The following RAP1GDS1 variants were observed in gnomAD, a reference collection of about 807,000 sequenced individuals.
RAP1GDS1 encodes the protein RAP1, GTP-GDP dissociation stimulator 1.
A neutral mutation model predicts 71.1 loss-of-function variants in RAP1GDS1; 35 were observed. That is an observed-to-expected ratio of 0.49 (90% CI 0.38 to 0.65). The LOEUF is 0.65. Among genes scored for constraint, RAP1GDS1 ranks in the 30% least tolerant of loss-of-function variants. The probability of loss-of-function intolerance (pLI) is 0.00; values close to 1 mark genes in which losing one functional copy is unlikely to be tolerated. For missense variants in RAP1GDS1, 663 were observed against 706.1 expected (o/e 0.94, Z 0.69); for synonymous variants, 229 against 243.1 (o/e 0.94, Z 0.54).
chr4:98,307,753 A>C (rs940579278), intron 2 of RAP1GDS1, among the ~76,000 whole-genome samples: 10 of 152,088 alleles, frequency 6.6e-5, no homozygotes, highest in African/African-American at 2.2e-4. Context: ...CATTAAAATG[A>C]ATTTTTAGCT....
chr4:98,391,704 A>G (rs1199116188), intron 5 of RAP1GDS1, among the ~76,000 whole-genome samples: 2 of 152,158 alleles, frequency 1.3e-5, no homozygotes, highest in Non-Finnish European at 2.9e-5. Flanking sequence ...TAATGATTTG[A>G]TATAGTCTTC....
At chr4:98,292,130 C>CTT (rs139869872) in intron 1 of RAP1GDS1, among the ~76,000 whole-genome samples, 3 of 139,726 alleles carry the variant, frequency 2.1e-5, no homozygotes, top group African/African-American at 5.3e-5. Flanking sequence ...TTTTTTTTTC[C>CTT]TTTTTTTTTT....
intron 13 of RAP1GDS1, among the ~76,000 whole-genome samples, chr4:98,435,062 C>T (rs1750957670): frequency 6.6e-6 from 1 of 152,212 alleles, no homozygotes; most frequent in Non-Finnish European, 1.5e-5. Flanking sequence ...GTCACGTGGC[C>T]TGTGGTTAAG....
intron 6 of RAP1GDS1, among the ~76,000 whole-genome samples, chr4:98,399,421 G>A (rs1745033366): frequency 6.6e-6 from 1 of 152,100 alleles, no homozygotes; most frequent in Non-Finnish European, 1.5e-5. Context: ...AGCCTCCCAA[G>A]TAGCTGGGAC....
At chr4:98,376,060 A>T (rs1247128529) in intron 4 of RAP1GDS1, among the ~76,000 whole-genome samples, 2 of 152,136 alleles carry the variant, frequency 1.3e-5, no homozygotes, top group East Asian at 3.8e-4. Context: ...TTAGATTTAA[A>T]GCCCTGCTCT....
intron 1 of RAP1GDS1, among the ~76,000 whole-genome samples, chr4:98,275,934 T>G (rs774678923): frequency 6.6e-6 from 1 of 152,194 alleles, no homozygotes; most frequent in Non-Finnish European, 1.5e-5. Flanking sequence ...TTCTTTCCCC[T>G]GGCATCCCTC....
chr4:98,320,099 G>A (rs1156698022), intron 2 of RAP1GDS1, among the ~76,000 whole-genome samples: 1 of 152,188 alleles, frequency 6.6e-6, no homozygotes, highest in East Asian at 1.9e-4. Context: ...TTTACTGCAA[G>A]AATATAGTAT....
chr4:98,320,433 G>C (rs1014029676), intron 2 of RAP1GDS1, among the ~76,000 whole-genome samples: 21 of 152,176 alleles, frequency 1.4e-4, no homozygotes, highest in Admixed American at 6.6e-4. Context: ...TCAGTGTAGG[G>C]GGGAGGAGCC....
At chr4:98,428,457 C>G (rs1277359611) in intron 12 of RAP1GDS1, among the ~76,000 whole-genome samples, 3 of 152,134 alleles carry the variant, frequency 2.0e-5, no homozygotes, top group African/African-American at 4.8e-5. Flanking sequence ...ATACATCTGA[C>G]AGAGGACTAA....
At chr4:98,335,181 C>T (rs1734535904) in intron 2 of RAP1GDS1, among the ~76,000 whole-genome samples, 1 of 152,042 alleles carries the variant, frequency 6.6e-6, no homozygotes, top group Admixed American at 6.6e-5. Context: ...ACGGAAAATC[C>T]CATAAATTCT....
chr4:98,404,750 T>C (rs1745890076), intron 7 of RAP1GDS1, 148 bp downstream of exon 7: 1 of 942,468 alleles, frequency 1.1e-6, no homozygotes, highest in Non-Finnish European at 1.5e-6. Context: ...TTAGCTATGT[T>C]ATCTACTCCA....
At chr4:98,291,650 G>C (rs562080447) in intron 1 of RAP1GDS1, among the ~76,000 whole-genome samples, 3 of 152,246 alleles carry the variant, frequency 2.0e-5, no homozygotes, top group Admixed American at 6.5e-5. Flanking sequence ...GCCTCTATTT[G>C]TAGAGTCACA....
intron 2 of RAP1GDS1, among the ~76,000 whole-genome samples, chr4:98,341,443 C>G (rs1402728789): frequency 6.6e-6 from 1 of 152,198 alleles, no homozygotes; most frequent in African/African-American, 2.4e-5. Context: ...TTAAGCCACT[C>G]TTTTAGTTAC....
chr4:98,271,626 G>A (rs1443075495), intron 1 of RAP1GDS1, among the ~76,000 whole-genome samples: 2 of 148,838 alleles, frequency 1.3e-5, no homozygotes, highest in East Asian at 3.8e-4. Context: ...ACTCATTTAT[G>A]TATATATAAT....
intron 1 of RAP1GDS1, among the ~76,000 whole-genome samples, chr4:98,280,385 C>T (rs1724895501): frequency 6.6e-6 from 1 of 152,154 alleles, no homozygotes; most frequent in Non-Finnish European, 1.5e-5. Context: ...TTTCATGTGT[C>T]TGTTGGCTGC....
intron 1 of RAP1GDS1, among the ~76,000 whole-genome samples, chr4:98,286,694 G>A (rs1347290239): frequency 6.6e-6 from 1 of 151,948 alleles, no homozygotes; most frequent in Non-Finnish European, 1.5e-5. Flanking sequence ...AGACCAGCCT[G>A]GTCAACATGG....
intron 7 of RAP1GDS1, among the ~76,000 whole-genome samples, chr4:98,405,973 A>AG (rs1336405007): frequency 7.9e-5 from 12 of 152,138 alleles, no homozygotes; most frequent in African/African-American, 2.9e-4. Context: ...AAAAGGAGTT[A>AG]GAGTCCTAAG....
intron 2 of RAP1GDS1, among the ~76,000 whole-genome samples, chr4:98,323,159 C>G (rs1732277530): frequency 1.4e-5 from 2 of 147,562 alleles, no homozygotes; most frequent in South Asian, 4.3e-4. Context: ...TGCAAATAAA[C>G]TAGAAAATCT....
intron 2 of RAP1GDS1, among the ~76,000 whole-genome samples, chr4:98,330,874 C>T (rs1412930899): frequency 6.6e-6 from 1 of 152,216 alleles, no homozygotes; most frequent in Non-Finnish European, 1.5e-5. Context: ...GGCAGAGATG[C>T]TCCTCACTTC....
Sources: allele counts gnomAD v4.1 joint callset (sites outside exome capture counted in the v4.1 genomes callset), GRCh38; gene constraint gnomAD v4.1.1; transcripts MANE v1.5; gene names NCBI Gene and HGNC (gene_info 2026-07-23, HGNC 2026-07-21).